Variants in METAP1 observed in about 807,000 individuals in gnomAD.
The protein encoded by METAP1 is methionine aminopeptidase 1.
In METAP1, 28 loss-of-function variants were observed where a neutral mutation model predicts 53.8. The ratio of observed to expected loss-of-function variants is 0.52; its 90% CI spans 0.39 to 0.71. The LOEUF is 0.71. METAP1 is among the 30% of genes least tolerant of loss of function. The probability of loss-of-function intolerance (pLI) is 0.00; values close to 1 mark genes in which losing one functional copy is unlikely to be tolerated. For synonymous variants in METAP1, 181 were observed against 165.7 expected (o/e 1.09, Z -0.71); for missense variants, 389 against 479.8 (o/e 0.81, Z 1.77).
intron 4 of METAP1, among the ~76,000 whole-genome samples, chr4:99,036,941 A>C (rs1191425665): frequency 1.3e-5 from 2 of 152,064 alleles, no homozygotes; most frequent in African/African-American, 4.8e-5. Flanking sequence ...CATTAAAAAT[A>C]CATGGATGTC....
chr4:99,039,254 T>C (rs769388477), intron 4 of METAP1, 120 bp from the exon 5 acceptor site: 10 of 583,666 alleles, frequency 1.7e-5, no homozygotes, highest in Non-Finnish European at 3.0e-5. Context: ...TCCCAAATCA[T>C]GAATTACTGT....
At chr4:99,008,553 T>C (rs1414370397) in intron 1 of METAP1, among the ~76,000 whole-genome samples, 2 of 152,208 alleles carry the variant, frequency 1.3e-5, no homozygotes, top group Admixed American at 6.6e-5. Context: ...TTTTTACATA[T>C]GTACTATATA....
chr4:99,054,539 A>C (rs1044811245), intron 9 of METAP1, among the ~76,000 whole-genome samples: 1 of 152,238 alleles, frequency 6.6e-6, no homozygotes, highest in Non-Finnish European at 1.5e-5. Context: ...TTGTGGGTTC[A>C]GTGAAGTAGC....
chr4:99,061,299 C>T lies in METAP1; in HGVS notation c.1143C>T (p.His381=). The T allele has an allele frequency of 6.2e-7, 1 of 1,613,122 alleles. No homozygotes were observed. Among genetic ancestry groups the T allele is most frequent in the South Asian group, 1.1e-5 (1 of 90,946 alleles). ...GGCGACTTGACAGTGCACGGCCTCA[C>T]TTCATGTCTCAATTTTAATTTCTCC... ...LTRRLDSARP[H]FMSQF is the part of the protein sequence containing the mutation. The change falls in exon 11 of 11, where the codon CAC becomes CAT. Residue 381 remains histidine, a synonymous_variant. Transcript: ENST00000296411.
chr4:98,997,730 C>G (rs1160212348), intron 1 of METAP1, among the ~76,000 whole-genome samples: 1 of 152,134 alleles, frequency 6.6e-6, no homozygotes, highest in Non-Finnish European at 1.5e-5. Context: ...AGGGTTTATT[C>G]CGTGTGTTAG....
At chr4:99,055,340 G>A (rs1408657285) in intron 9 of METAP1, among the ~76,000 whole-genome samples, 5 of 150,144 alleles carry the variant, frequency 3.3e-5, no homozygotes, top group African/African-American at 9.8e-5. Flanking sequence ...GCAGTGAGCC[G>A]AGATCGTGCC....
chr4:99,021,803 G>C (rs1489126449), intron 1 of METAP1, among the ~76,000 whole-genome samples: 2 of 152,198 alleles, frequency 1.3e-5, no homozygotes, highest in Non-Finnish European at 2.9e-5. Flanking sequence ...AAAGAAAAGA[G>C]GAAGTTAGTG....
At chr4:98,996,138 C>G (rs951291717) in intron 1 of METAP1, among the ~76,000 whole-genome samples, 1 of 152,114 alleles carries the variant, frequency 6.6e-6, no homozygotes, top group Admixed American at 6.5e-5. Context: ...TGTGCGGGGT[C>G]GCGTGGCCGC....
intron 2 of METAP1, among the ~76,000 whole-genome samples, chr4:99,029,824 C>G (rs1036610230): frequency 6.6e-6 from 1 of 151,940 alleles, no homozygotes; most frequent in African/African-American, 2.4e-5. Context: ...GCCAAACCAC[C>G]ATTTGAAGGA....
At position 99,048,838 on chromosome 4, in the gene METAP1, A is replaced by G. The variant is rs1726470246; in HGVS notation, c.893A>G (p.Lys298Arg). ...AGCTATTGTGGGCATGGAATCCACA[A>G]GCTTTTTCATACAGCTCCCAATGTA... ...VRSYCGHGIH[K>R]LFHTAPNVPH... The change falls in exon 9 of 11, where the codon AAG (lysine) becomes AGG (arginine). Residue 298 changes from lysine (K) to arginine (R), a missense_variant. Coordinates refer to ENST00000296411, the MANE Select transcript of METAP1 (RefSeq NM_015143.3). The G allele has an allele frequency of 1.2e-6, 2 of 1,613,922 alleles. No homozygotes were observed. The highest frequency in any genetic ancestry group is 2.2e-5 in the South Asian group (2 of 91,090).
chr4:99,034,213 A>T lies in METAP1; in HGVS notation c.167-17A>T. On this transcript the variant is annotated splice_polypyrimidine_tract_variant and intron_variant, in intron 2 of 10. Coordinates refer to ENST00000296411, the MANE Select transcript of METAP1 (RefSeq NM_015143.3). ...CCTTCTCCTCCTTCCTCTCATATCT[A>T]TTCCTCCGTCTCCCAGAAGATGAAA... 1 of 1,447,172 alleles carries T rather than the reference A, an allele frequency of 6.9e-7. No individual in the cohort carries two copies. Among genetic ancestry groups the T allele is most frequent in the Non-Finnish European group, 9.5e-7 (1 of 1,052,422 alleles). 89.6% of individuals were successfully genotyped at this position (1,447,172 alleles called of 1,614,324 possible).
chr4:98,998,603 A>G (rs1722758477), intron 1 of METAP1, among the ~76,000 whole-genome samples: 1 of 152,162 alleles, frequency 6.6e-6, no homozygotes, highest in African/African-American at 2.4e-5. Flanking sequence ...TGTGATCACT[A>G]GGAGGTCTTT....
chr4:99,003,352 T>G (rs887994522), intron 1 of METAP1, among the ~76,000 whole-genome samples: 1 of 152,242 alleles, frequency 6.6e-6, no homozygotes, highest in African/African-American at 2.4e-5. Flanking sequence ...AGGTTAACCC[T>G]GTCTTATCCA....
At chr4:99,059,305 C>T (rs1727373203) in intron 10 of METAP1, among the ~76,000 whole-genome samples, 2 of 152,126 alleles carry the variant, frequency 1.3e-5, no homozygotes, top group South Asian at 4.1e-4. Flanking sequence ...TTTATCAGAT[C>T]ACAATAAAAT....
chr4:99,032,703 T>G (rs1217392136), intron 2 of METAP1, among the ~76,000 whole-genome samples: 5 of 152,202 alleles, frequency 3.3e-5, no homozygotes, highest in African/African-American at 9.7e-5. Context: ...AAAGTTATTC[T>G]TGAGGTTCAT....
chr4:99,016,439 C>T (rs1308581680), intron 1 of METAP1, among the ~76,000 whole-genome samples: 1 of 152,126 alleles, frequency 6.6e-6, no homozygotes, highest in African/African-American at 2.4e-5. Context: ...ATGTGGTATT[C>T]CCATTCTATG....
At chr4:99,037,500 G>A (rs558721991) in intron 4 of METAP1, among the ~76,000 whole-genome samples, 2 of 151,804 alleles carry the variant, frequency 1.3e-5, no homozygotes, top group South Asian at 4.2e-4. Context: ...AGTTAAATAG[G>A]GATGCAACTT....
At chr4:99,031,472 C>G (rs1725021597) in intron 2 of METAP1, 1 of 1,284,626 alleles carries the variant, frequency 7.8e-7, no homozygotes, top group African/African-American at 1.5e-5. Context: ...ACTCCCCTAC[C>G]CATTCACACT....
intron 1 of METAP1, among the ~76,000 whole-genome samples, chr4:99,014,730 A>G (rs1301438707): frequency 6.6e-6 from 1 of 152,172 alleles, no homozygotes; most frequent in Non-Finnish European, 1.5e-5. Context: ...CTAGAGTGCA[A>G]GTACCATTCC....
Sources: allele counts gnomAD v4.1 joint callset (sites outside exome capture counted in the v4.1 genomes callset), GRCh38; gene constraint gnomAD v4.1.1; transcripts MANE v1.5; gene names NCBI Gene and HGNC (gene_info 2026-07-23, HGNC 2026-07-21).